Variants in ZNF723 observed in about 807,000 individuals in gnomAD.
ZNF723 encodes the protein zinc finger protein 723.
ZNF723 carries 5 observed loss-of-function variants against 9.4 expected under a neutral mutation model. That is an observed-to-expected ratio of 0.53 (90% CI 0.28 to 1.12). The LOEUF is 1.12. Ranked by LOEUF, ZNF723 falls within the 50% of genes most tolerant of loss-of-function variation. The pLI, the probability that ZNF723 is intolerant of heterozygous loss-of-function variation, is 0.10. For missense variants in ZNF723, 450 were observed against 501.5 expected, an observed-to-expected ratio of 0.90 and a Z score of 0.98; for synonymous variants, 158 against 168.8, an observed-to-expected ratio of 0.94 and a Z score of 0.49.
chr19:22,834,509 ACT>A (rs1393812347), intron 1 of ZNF723, among the ~76,000 whole-genome samples: 2 of 150,326 alleles, frequency 1.3e-5, no homozygotes, highest in Admixed American at 1.3e-4. Flanking sequence ...GGATTTTAGT[ACT>A]CTCTGTGAAT....
At chr19:22,845,889 CTTTTTT>C (rs1214348571) in intron 1 of ZNF723, among the ~76,000 whole-genome samples, 1 of 124,388 alleles carries the variant, frequency 8.0e-6, no homozygotes, top group African/African-American at 3.1e-5. Flanking sequence ...AAAAATATGC[CTTTTTT>C]TTTTTTTTTT....
chr19:22,835,470 G>T (rs1395190773), intron 1 of ZNF723, among the ~76,000 whole-genome samples: 1 of 152,138 alleles, frequency 6.6e-6, no homozygotes, highest in Non-Finnish European at 1.5e-5. Context: ...CATAAAAGAG[G>T]TGAGTTTCAA....
At chr19:22,826,308 C>T in the ZNF723 span, among the ~76,000 whole-genome samples, 1 of 151,758 alleles carries the variant, frequency 6.6e-6, no homozygotes, top group African/African-American at 2.4e-5. Flanking sequence ...TATACCTATG[C>T]CCGGCTAACA....
At chr19:22,825,672 A>T in the ZNF723 span, among the ~76,000 whole-genome samples, 17 of 151,854 alleles carry the variant, frequency 1.1e-4, no homozygotes, top group Non-Finnish European at 2.1e-4. Context: ...AGGTGATATG[A>T]CTCTCCTCCC....
At chr19:22,846,720 A>C (rs1322546002) in intron 1 of ZNF723, among the ~76,000 whole-genome samples, 1 of 151,858 alleles carries the variant, frequency 6.6e-6, no homozygotes, top group African/African-American at 2.4e-5. Flanking sequence ...CCTTAAAATC[A>C]CTACTAAAAA....
Position 22,848,326 on chromosome 19 carries a change from T to G in ZNF723, c.69T>G (p.Thr23=). ...TGGAGGAGTGGCAATTCCTGGACACTGCACAGCAGAATTTATATAGGGATG... is the reference window on the plus strand; with the variant it reads ...TGGAGGAGTGGCAATTCCTGGACACGGCACAGCAGAATTTATATAGGGATG... ...FSLEEWQFLD[T]AQQNLYRDVM... is the part of the protein sequence containing the mutation. Residue 23 remains threonine (T), a synonymous_variant, in exon 2 of 4, where the codon ACT becomes ACG. Coordinates refer to ENST00000600766, the MANE Select transcript of ZNF723 (RefSeq NM_001349726.2). The G allele has an allele frequency of 6.9e-7, 1 of 1,451,044 alleles. No individual in the cohort carries two copies. The allele number at this position is 1,451,044 out of a possible 1,614,324, so 89.9% of individuals were successfully genotyped here.
chr19:22,849,328 T>C, intron 3 of ZNF723, 35 bp downstream of exon 3: 1 of 522,182 alleles, frequency 1.9e-6, no homozygotes, highest in East Asian at 3.0e-5. Context: ...ACAACACAGA[T>C]AAGACGTCCA....
chr19:22,834,139 C>T lies in ZNF723; in HGVS notation c.3+1757C>T, dbSNP rs553079888. ...CCATGTTGGCCAGGCTGGTATCGAA[C>T]ACCTGACTTCAGGTGATCTGCCCGC... On this transcript the variant is annotated intron_variant, in intron 1 of 3. Coordinates refer to ENST00000600766, the MANE Select transcript of ZNF723 (RefSeq NM_001349726.2). Among the ~76,000 whole-genome samples the T allele has an allele frequency of 3.3e-5, 5 of 152,078 alleles. No individual in the cohort carries two copies. In the East Asian group the frequency reaches 9.7e-4, roughly 30 times the overall value.
At chr19:22,837,535 T>TA (rs987668921) in intron 1 of ZNF723, among the ~76,000 whole-genome samples, 5 of 152,214 alleles carry the variant, frequency 3.3e-5, no homozygotes, top group African/African-American at 1.2e-4. Flanking sequence ...TGGCCTGGAA[T>TA]AAAACTCTGG....
chr19:22,815,288 A>T, the ZNF723 span, among the ~76,000 whole-genome samples: 1 of 152,046 alleles, frequency 6.6e-6, no homozygotes, highest in Non-Finnish European at 1.5e-5. Context: ...GACACCTAAG[A>T]TATGTGAGTT....
intron 1 of ZNF723, among the ~76,000 whole-genome samples, chr19:22,845,490 T>G (rs931938111): frequency 1.3e-5 from 2 of 152,138 alleles, no homozygotes; most frequent in Non-Finnish European, 2.9e-5. Context: ...GATACACTCA[T>G]GAGAGTTCAG....
intron 3 of ZNF723, among the ~76,000 whole-genome samples, chr19:22,856,211 G>A (rs1292490674): frequency 1.3e-5 from 2 of 152,184 alleles, no homozygotes; most frequent in South Asian, 2.1e-4. Flanking sequence ...TGCCCACCTC[G>A]GCCTCCCGAA....
chr19:22,821,741 C>G, the ZNF723 span, among the ~76,000 whole-genome samples: 1 of 152,196 alleles, frequency 6.6e-6, no homozygotes, highest in Non-Finnish European at 1.5e-5. Context: ...TTTTGACTCT[C>G]TTAGCTAGAT....
upstream of ZNF723, among the ~76,000 whole-genome samples, chr19:22,829,063 C>T (rs1239971226): frequency 6.6e-6 from 1 of 151,920 alleles, no homozygotes; most frequent in Admixed American, 6.6e-5. Flanking sequence ...ATCACAGCTA[C>T]TTGGGAGGCT....
At chr19:22,851,863 C>T (rs568588118) in intron 3 of ZNF723, among the ~76,000 whole-genome samples, 12 of 152,170 alleles carry the variant, frequency 7.9e-5, no homozygotes, top group Admixed American at 5.9e-4. Flanking sequence ...CTGGGCTCAC[C>T]GCTACTTCCG....
chr19:22,812,294 A>G, the ZNF723 span, among the ~76,000 whole-genome samples: 1 of 152,238 alleles, frequency 6.6e-6, no homozygotes, highest in East Asian at 1.9e-4. Context: ...TTGTGTGCAC[A>G]CCCTGTCATC....
At chr19:22,814,694 T>C in the ZNF723 span, among the ~76,000 whole-genome samples, 2 of 152,194 alleles carry the variant, frequency 1.3e-5, no homozygotes, top group African/African-American at 4.8e-5. Context: ...ATCTCATCCC[T>C]AGACCTTCTT....
At chr19:22,832,414 G>T (rs1967108899) in intron 1 of ZNF723, 32 bp downstream of exon 1, 2 of 1,364,050 alleles carry the variant, frequency 1.5e-6, no homozygotes, top group Admixed American at 3.5e-5. Flanking sequence ...TCCCGAGAGA[G>T]GGGAAGGGCT....
Position 22,857,479 on chromosome 19 carries a change from T to C in ZNF723, c.588T>C (p.Thr196=). The change falls in exon 4 of 4, where the codon ACT becomes ACC. Residue 196 remains threonine, a synonymous_variant. Transcript: ENST00000600766. ...TAACTAAACATGAAAGAAATCATAC[T>C]AGAGTGAATTGTTACAAATGTGAAG... is the stretch of plus-strand genomic sequence containing the variant. ...SHLTKHERNH[T]RVNCYKCEEC... 9.0e-7 allele frequency: 1 copy of C among 1,105,092 alleles called. No homozygotes were observed. Among genetic ancestry groups the C allele is most frequent in the African/African-American group, 1.5e-5 (1 of 65,368 alleles). 68.5% of individuals were successfully genotyped at this position (1,105,092 alleles called of 1,614,324 possible). A position where few individuals can be genotyped will look rare whatever the true frequency, so the allele number is the denominator to read the frequency against.
Sources: allele counts gnomAD v4.1 joint callset (sites outside exome capture counted in the v4.1 genomes callset), GRCh38; gene constraint gnomAD v4.1.1; transcripts MANE v1.5; gene names NCBI Gene and HGNC (gene_info 2026-07-23, HGNC 2026-07-21).